GTPBP4: variants seen among roughly 807,000 people sequenced by gnomAD.
GTPBP4 encodes GTP binding protein 4, also known as GTP-binding protein 4.
GTPBP4 carries 15 observed loss-of-function variants against 81.7 expected under a neutral mutation model. That is an observed-to-expected ratio of 0.18 (90% CI 0.12 to 0.28). GTPBP4 has a LOEUF of 0.28. GTPBP4 is among the 10% of genes least tolerant of loss of function. The probability of loss-of-function intolerance (pLI) is 1.00; values close to 1 mark genes in which losing one functional copy is unlikely to be tolerated. For missense variants in GTPBP4, 847 were observed against 793.8 expected (o/e 1.07, Z -0.81); for synonymous variants, 272 against 274.6 (o/e 0.99, Z 0.09).
At chr10:988,748 T>TAAGACCGTGGTCCACCC in intron 1 of GTPBP4, 1 of 557,226 alleles carries the variant, frequency 1.8e-6, no homozygotes, top group Non-Finnish European at 3.2e-6. Context: ...GGGGTCCACC[T>TAAGACCGTGGTCCACCC]AAGACCGTGG....
chr10:1,010,670 C>A (rs1394350509), intron 13 of GTPBP4, 150 bp downstream of exon 13: 4 of 668,222 alleles, frequency 6.0e-6, no homozygotes, highest in Non-Finnish European at 1.1e-5. Flanking sequence ...CACTTCCCCA[C>A]CCTGAGACTC....
intron 13 of GTPBP4, among the ~76,000 whole-genome samples, chr10:1,011,549 C>A (rs1354672917): frequency 6.6e-6 from 1 of 152,162 alleles, no homozygotes; most frequent in Non-Finnish European, 1.5e-5. Flanking sequence ...CTCTCTGGAA[C>A]ATTCTTTTTA....
At chr10:1,014,377 C>A in intron 15 of GTPBP4, 65 bp downstream of exon 15, 1 of 1,210,996 alleles carries the variant, frequency 8.3e-7, no homozygotes, top group Non-Finnish European at 1.2e-6. Flanking sequence ...AGAAAACTGG[C>A]CGGGCGTGGT....
chr10:1,006,167 T>C (rs2132166682), intron 9 of GTPBP4, among the ~76,000 whole-genome samples: 1 of 152,372 alleles, frequency 6.6e-6, no homozygotes, highest in Non-Finnish European at 1.5e-5. Flanking sequence ...AGCTGTTGTC[T>C]CTGGCCTTTT....
At chr10:1,010,302 G>A (rs150262732) in intron 12 of GTPBP4, 118 bp from the exon 13 acceptor site, 14 of 648,368 alleles carry the variant, frequency 2.2e-5, no homozygotes, top group South Asian at 3.7e-5. Context: ...ATTGCACGTC[G>A]TGCTCTCTTC....
chr10:1,019,524 CTG>C lies in GTPBP4; in HGVS notation c.*2301_*2302del, dbSNP rs751586172. The C allele has an allele frequency of 1.2e-5, 20 of 1,611,986 alleles. No homozygotes were observed. The highest frequency in any genetic ancestry group is 6.7e-5 in the African/African-American group (5 of 74,858). On this transcript the variant is annotated 3_prime_UTR_variant, in exon 17 of 17. Transcript: ENST00000360803. Reference sequence around the variant, plus strand: ...ACTCGACCTCCCTGCCTCTCACACTCTGTGTATTTTGTGAAGCTCCACAAACG... The same window carrying C: ...ACTCGACCTCCCTGCCTCTCACACTCTGTATTTTGTGAAGCTCCACAAACG...
chr10:1,002,106 G>A (rs1277556185), intron 8 of GTPBP4, among the ~76,000 whole-genome samples: 1 of 152,002 alleles, frequency 6.6e-6, no homozygotes, highest in East Asian at 1.9e-4. Context: ...TGTATTTTTA[G>A]TAGAGAGGGT....
At chr10:1,004,270 G>GTCAT (rs1163621537) in intron 8 of GTPBP4, among the ~76,000 whole-genome samples, 1 of 152,180 alleles carries the variant, frequency 6.6e-6, no homozygotes, top group East Asian at 1.9e-4. Context: ...TAGTCCAGCT[G>GTCAT]TCATTTGGGC....
chr10:998,126 G>A (rs1464151528), intron 5 of GTPBP4, among the ~76,000 whole-genome samples: 1 of 151,900 alleles, frequency 6.6e-6, no homozygotes, highest in African/African-American at 2.4e-5. Context: ...TTGAGACAGG[G>A]TCTCGCTCTG....
At chr10:1,000,454 G>A (rs1831606503) in intron 6 of GTPBP4, among the ~76,000 whole-genome samples, 1 of 151,488 alleles carries the variant, frequency 6.6e-6, no homozygotes, top group South Asian at 2.1e-4. Context: ...AGCCAGGATG[G>A]TCTCGATCTC....
At position 1,018,185 on chromosome 10, in the gene GTPBP4, G is replaced by C. The variant is rs1287111409; in HGVS notation, c.*958G>C. On this transcript the variant is annotated 3_prime_UTR_variant, in exon 17 of 17. Coordinates refer to ENST00000360803, the MANE Select transcript of GTPBP4 (RefSeq NM_012341.3). ...CTCAAGCCTGTAGTTCCAGCACTTT[G>C]GGAGGCCGAGGTGGGCAGATCAGGA... is the stretch of plus-strand genomic sequence containing the variant. 2 of 152,292 alleles carry C rather than the reference G, an allele frequency of 1.3e-5. No homozygotes were observed. The highest frequency in any genetic ancestry group is 4.8e-5 in the African/African-American group (2 of 41,450). 9.4% of individuals were successfully genotyped at this position (152,292 alleles called of 1,614,324 possible).
rs146868914 is a variant in GTPBP4 at position 990,682 on chromosome 10, C to T, written c.49-1807C>T. ...GGCAGAGCTTGCAGTGAACCGAGAT[C>T]GCGCCACTGCACTCCAGCCTGGGCA... On this transcript the variant is annotated intron_variant, in intron 1 of 16. Transcript: ENST00000360803. Among the ~76,000 whole-genome samples the T allele has an allele frequency of 6.6e-4, 90 of 136,936 alleles. No homozygotes were observed. The East Asian group carries it at 0.019, about 28-fold the overall frequency. 89.8% of individuals were successfully genotyped at this position (136,936 alleles called of 152,430 possible). A position where few individuals can be genotyped will look rare whatever the true frequency, so the allele number is the denominator to read the frequency against.
chr10:1,011,010 C>A (rs1831854758), intron 13 of GTPBP4, among the ~76,000 whole-genome samples: 2 of 110,216 alleles, frequency 1.8e-5, no homozygotes, highest in African/African-American at 2.9e-5. Flanking sequence ...TCCCCCCCAC[C>A]CTGTGTCTCC....
rs1356334345 is a variant in GTPBP4 at position 1,017,377 on chromosome 10, C to A, written c.*150C>A. 10 of 659,704 alleles carry A rather than the reference C, an allele frequency of 1.5e-5. No homozygotes were observed. The highest frequency in any genetic ancestry group is 2.2e-5 in the Non-Finnish European group (9 of 402,792). 40.9% of individuals were successfully genotyped at this position (659,704 alleles called of 1,614,324 possible). A position where few individuals can be genotyped will look rare whatever the true frequency, so the allele number is the denominator to read the frequency against. ...TGCTTTGCTGAAAACTATGGTTAAC[C>A]CTATATAGGTGTGGGAAATTTTTGT... On this transcript the variant is annotated 3_prime_UTR_variant, in exon 17 of 17. Coordinates refer to ENST00000360803, the MANE Select transcript of GTPBP4 (RefSeq NM_012341.3).
intron 4 of GTPBP4, chr10:996,487 G>C: frequency 6.5e-6 from 2 of 309,512 alleles, no homozygotes; most frequent in Non-Finnish European, 1.2e-5. Flanking sequence ...ACACAAAAAA[G>C]TCACGAGAAA....
intron 5 of GTPBP4, among the ~76,000 whole-genome samples, chr10:997,810 G>A (rs1435220949): frequency 1.3e-5 from 2 of 152,154 alleles, no homozygotes; most frequent in African/African-American, 4.8e-5. Context: ...TGCTGTGTCA[G>A]CTTTCACATG....
intron 1 of GTPBP4, among the ~76,000 whole-genome samples, chr10:989,824 C>A (rs932003394): frequency 6.6e-6 from 1 of 152,286 alleles, no homozygotes; most frequent in East Asian, 1.9e-4. Context: ...GCAGCCACCG[C>A]CTCCCAGGTT....
intron 5 of GTPBP4, among the ~76,000 whole-genome samples, chr10:997,952 G>C (rs1314128533): frequency 6.6e-6 from 1 of 152,160 alleles, no homozygotes; most frequent in African/African-American, 2.4e-5. Context: ...CTGAGTTTCA[G>C]GGACTCAGGA....
At chr10:1,008,776 T>C (rs567835102) in intron 10 of GTPBP4, 182 bp from the exon 11 acceptor site, 1 of 608,484 alleles carries the variant, frequency 1.6e-6, no homozygotes, top group Non-Finnish European at 3.0e-6. Flanking sequence ...ATCTGTTGGT[T>C]GTTAATTGGT....
Sources: gnomAD v4.1 joint callset for allele counts (sites outside exome capture counted in the v4.1 genomes callset) on GRCh38, gnomAD v4.1.1 for gene constraint, MANE v1.5 for transcripts, NCBI Gene and HGNC (gene_info 2026-07-23, HGNC 2026-07-21) for gene names.